The following SLC60A2 variants were observed in gnomAD, a reference collection of about 807,000 sequenced individuals.
The protein encoded by SLC60A2 is major facilitator superfamily domain containing 4B.
At chr6:111,265,832 G>A in the SLC60A2 span, 1 of 1,506,608 alleles carries the variant, frequency 6.6e-7, no homozygotes, top group East Asian at 2.3e-5. Context: ...TAATAAGTAA[G>A]TAACTGTTTA....
chr6:111,274,372 T>C, the SLC60A2 span, among the ~76,000 whole-genome samples: 1 of 152,244 alleles, frequency 6.6e-6, no homozygotes, highest in Admixed American at 6.5e-5. Context: ...ACCTACACTT[T>C]CAGTCCATAT....
At chr6:111,273,877 C>T in the SLC60A2 span, among the ~76,000 whole-genome samples, 11 of 152,118 alleles carry the variant, frequency 7.2e-5, no homozygotes, top group Non-Finnish European at 1.2e-4. Flanking sequence ...AGGTGTGTGT[C>T]ACCATGGCTA....
At chr6:111,278,898 A>G in the SLC60A2 span, among the ~76,000 whole-genome samples, 1 of 152,228 alleles carries the variant, frequency 6.6e-6, no homozygotes, top group Non-Finnish European at 1.5e-5. Context: ...ACCCAAGGGA[A>G]AAACGTGATT....
At chr6:111,278,057 T>C in the SLC60A2 span, 1 of 152,182 alleles carries the variant, frequency 6.6e-6, no homozygotes, top group East Asian at 1.9e-4. Flanking sequence ...TCTATGAATC[T>C]TTACCCTTGT....
At chr6:111,263,826 C>T in the SLC60A2 span, 1 of 1,530,658 alleles carries the variant, frequency 6.5e-7, no homozygotes. Flanking sequence ...TTCTACCTTC[C>T]CAGGAATCTC....
chr6:111,260,036 G>T, the SLC60A2 span, among the ~76,000 whole-genome samples: 2 of 149,724 alleles, frequency 1.3e-5, no homozygotes, highest in South Asian at 2.1e-4. Flanking sequence ...TCAGCCTCCC[G>T]AGTAGCTGGG....
At chr6:111,260,116 G>C in the SLC60A2 span, among the ~76,000 whole-genome samples, 1 of 152,102 alleles carries the variant, frequency 6.6e-6, no homozygotes, top group South Asian at 2.1e-4. Flanking sequence ...TCGCCATGTT[G>C]GCCAGGCTGG....
At chr6:111,266,338 A>G in the SLC60A2 span, 13 of 1,613,962 alleles carry the variant, frequency 8.1e-6, no homozygotes, top group Admixed American at 1.2e-4. Context: ...GCAACCACCC[A>G]TGCTGGCATG....
chr6:111,264,558 A>G, the SLC60A2 span, among the ~76,000 whole-genome samples: 1 of 151,840 alleles, frequency 6.6e-6, no homozygotes. Flanking sequence ...GGAGGCCGAG[A>G]TGGGTGGATC....
chr6:111,261,077 TTGC>T, the SLC60A2 span, among the ~76,000 whole-genome samples: 1 of 152,254 alleles, frequency 6.6e-6, no homozygotes, highest in Non-Finnish European at 1.5e-5. Flanking sequence ...TCCTTACCTC[TTGC>T]TGACACTGCA....
the SLC60A2 span, chr6:111,266,233 C>T: frequency 6.2e-7 from 1 of 1,614,086 alleles, no homozygotes; most frequent in Non-Finnish European, 8.5e-7. Context: ...TTTCGAAGAG[C>T]AAAATATCAC....
chr6:111,273,775 G>T, the SLC60A2 span, among the ~76,000 whole-genome samples: 1 of 152,008 alleles, frequency 6.6e-6, no homozygotes, highest in Non-Finnish European at 1.5e-5. Flanking sequence ...ACCCAGGCTG[G>T]AGTGCAGTGG....
At chr6:111,271,004 G>A in the SLC60A2 span, 5 of 135,778 alleles carry the variant, frequency 3.7e-5, no homozygotes, top group South Asian at 1.3e-3. Flanking sequence ...GTTGGACAGT[G>A]GGTGAGTTAT....
the SLC60A2 span, chr6:111,267,010 A>G: frequency 4.3e-5 from 70 of 1,614,120 alleles, no homozygotes; most frequent in Non-Finnish European, 5.8e-5. Context: ...GCTGAAGTCT[A>G]TAATCAATAC....
At chr6:111,266,336 C>T in the SLC60A2 span, 2 of 1,613,922 alleles carry the variant, frequency 1.2e-6, no homozygotes, top group South Asian at 1.1e-5. Context: ...TTGCAACCAC[C>T]CATGCTGGCA....
chr6:111,271,775 T>TAAAAAAA, the SLC60A2 span, among the ~76,000 whole-genome samples: 964 of 18,842 alleles, frequency 0.051, 188 homozygotes, highest in East Asian at 0.069. Context: ...CCATCTCTAC[T>TAAAAAAA]AAAAAAAAAA....
chr6:111,262,169 C>T, the SLC60A2 span: 59 of 1,068,474 alleles, frequency 5.5e-5, no homozygotes, highest in South Asian at 9.7e-5. Context: ...CTCCGCCCCC[C>T]TTTTTTTTTA....
At chr6:111,266,544 G>A in the SLC60A2 span, 1 of 1,614,218 alleles carries the variant, frequency 6.2e-7, no homozygotes, top group Non-Finnish European at 8.5e-7. Context: ...AGCAACTTCA[G>A]TGTATGGGGC....
At chr6:111,260,808 T>C in the SLC60A2 span, among the ~76,000 whole-genome samples, 1 of 152,230 alleles carries the variant, frequency 6.6e-6, no homozygotes, top group Non-Finnish European at 1.5e-5. Flanking sequence ...TGTCCGGTCC[T>C]GTTGTAAATC....
Sources: gnomAD v4.1 joint callset for allele counts (sites outside exome capture counted in the v4.1 genomes callset) on GRCh38, gnomAD v4.1.1 for gene constraint, MANE v1.5 for transcripts, NCBI Gene and HGNC (gene_info 2026-07-23, HGNC 2026-07-21) for gene names.